The following RBM18 variants were observed in gnomAD, a reference collection of about 807,000 sequenced individuals.
RBM18 encodes probable RNA-binding protein 18.
RBM18 carries 18 observed loss-of-function variants against 26.4 expected under a neutral mutation model. The observed-to-expected ratio is 0.68, with a 90% confidence interval of 0.47 to 1.01. The LOEUF is 1.01. Among genes scored for constraint, RBM18 ranks in the 50% least tolerant of loss-of-function variants. The pLI is 0.00. For missense variants in RBM18, 180 were observed against 219.2 expected, an observed-to-expected ratio of 0.82 and a Z score of 1.13; for synonymous variants, 74 against 81.1, an observed-to-expected ratio of 0.91 and a Z score of 0.47.
At chr9:122,247,748 C>A in intron 3 of RBM18, 144 bp from the exon 4 acceptor site, 17 of 584,310 alleles carry the variant, frequency 2.9e-5, no homozygotes, top group East Asian at 6.3e-5. Context: ...TACAATTTTA[C>A]AAGGCAGAAT....
Position 122,240,067 on chromosome 9 carries a change from G to A in RBM18, c.*1817C>T, listed in dbSNP as rs1232705273. Reference sequence around the variant, plus strand: ...AGAATCAGTACAAATAATAAACAGTGCTTTAAATACAAATAAATAGCTCTG... The same window carrying A: ...AGAATCAGTACAAATAATAAACAGTACTTTAAATACAAATAAATAGCTCTG... On this transcript the variant is annotated 3_prime_UTR_variant, in exon 6 of 6. Transcript: ENST00000417201. The A allele has an allele frequency of 6.6e-6, 1 of 152,154 alleles. No individual in the cohort carries two copies. The highest frequency in any genetic ancestry group is 1.9e-4 in the East Asian group (1 of 5,202). 9.4% of individuals were successfully genotyped at this position (152,154 alleles called of 1,614,324 possible). A position where few individuals can be genotyped will look rare whatever the true frequency, so the allele number is the denominator to read the frequency against.
At chr9:122,260,607 G>A (rs1439921622) in intron 2 of RBM18, among the ~76,000 whole-genome samples, 2 of 152,164 alleles carry the variant, frequency 1.3e-5, no homozygotes, top group East Asian at 1.9e-4. Flanking sequence ...TCGGGACTTG[G>A]TTTCCTCTAT....
intron 3 of RBM18, among the ~76,000 whole-genome samples, chr9:122,248,350 T>C (rs559174086): frequency 6.6e-6 from 1 of 152,318 alleles, no homozygotes; most frequent in East Asian, 1.9e-4. Context: ...TAGACATATA[T>C]GCACTTCCGT....
At chr9:122,258,461 G>C (rs1463343741) in intron 2 of RBM18, among the ~76,000 whole-genome samples, 1 of 152,012 alleles carries the variant, frequency 6.6e-6, no homozygotes, top group African/African-American at 2.4e-5. Context: ...TAGAAATGGG[G>C]TTTCACCACA....
chr9:122,254,343 A>T, intron 2 of RBM18: 1 of 949,372 alleles, frequency 1.1e-6, no homozygotes, highest in Non-Finnish European at 1.3e-6. Context: ...TTCTTGTTTG[A>T]TAATTTCTTA....
chr9:122,250,705 G>A (rs1831586671), intron 3 of RBM18, among the ~76,000 whole-genome samples: 1 of 152,058 alleles, frequency 6.6e-6, no homozygotes, highest in Non-Finnish European at 1.5e-5. Context: ...TTCCATTTGT[G>A]TGTTACAACA....
intron 2 of RBM18, among the ~76,000 whole-genome samples, chr9:122,258,169 A>G (rs1391063325): frequency 2.0e-5 from 3 of 152,246 alleles, no homozygotes; most frequent in Non-Finnish European, 1.5e-5. Flanking sequence ...GATAAGATTT[A>G]CTTTACTAAA....
chr9:122,245,090 G>A (rs1288655146), intron 5 of RBM18, among the ~76,000 whole-genome samples, 166 bp downstream of exon 5: 1 of 152,210 alleles, frequency 6.6e-6, no homozygotes, highest in Non-Finnish European at 1.5e-5. Flanking sequence ...TAGGTGGATG[G>A]AAGGAGAGGA....
At chr9:122,254,806 T>C (rs528422298) in intron 2 of RBM18, among the ~76,000 whole-genome samples, 2 of 152,286 alleles carry the variant, frequency 1.3e-5, no homozygotes, top group East Asian at 3.9e-4. Flanking sequence ...AGAGATGTAA[T>C]CAAACAATTA....
chr9:122,246,518 T>C (rs1831508139), intron 4 of RBM18, among the ~76,000 whole-genome samples: 1 of 152,224 alleles, frequency 6.6e-6, no homozygotes, highest in African/African-American at 2.4e-5. Context: ...GATTTTCCCT[T>C]GAGTAAAAAA....
At chr9:122,251,803 C>A in intron 3 of RBM18, 44 bp downstream of exon 3, 1 of 1,573,866 alleles carries the variant, frequency 6.4e-7, no homozygotes, top group Non-Finnish European at 8.7e-7. Context: ...ATAATTATGA[C>A]AGAGCTTGAT....
intron 2 of RBM18, among the ~76,000 whole-genome samples, chr9:122,253,698 A>C (rs1226594165): frequency 1.3e-5 from 2 of 151,278 alleles, no homozygotes; most frequent in Admixed American, 6.6e-5. Context: ...GTTGCCACAG[A>C]ATGGGGAGTC....
At chr9:122,255,072 A>G (rs1831669488) in intron 2 of RBM18, among the ~76,000 whole-genome samples, 1 of 152,200 alleles carries the variant, frequency 6.6e-6, no homozygotes, top group Non-Finnish European at 1.5e-5. Context: ...AGGCTGAGGG[A>G]ATTTTAATTT....
intron 2 of RBM18, among the ~76,000 whole-genome samples, chr9:122,258,797 C>T (rs1309387436): frequency 6.7e-6 from 1 of 150,012 alleles, no homozygotes; most frequent in East Asian, 2.0e-4. Flanking sequence ...CAAAAAACAA[C>T]AAACTAGCCA....
intron 2 of RBM18, 59 bp downstream of exon 2, chr9:122,261,321 A>G (rs979441978): frequency 2.5e-6 from 3 of 1,201,846 alleles, no homozygotes; most frequent in Middle Eastern, 1.9e-4. Context: ...TCTTCTTGAC[A>G]TCATCACCAC....
intron 2 of RBM18, among the ~76,000 whole-genome samples, chr9:122,255,934 G>A (rs970639747): frequency 3.3e-5 from 5 of 152,100 alleles, no homozygotes; most frequent in African/African-American, 7.2e-5. Flanking sequence ...GGGAGGCTGA[G>A]GTGGGAGGAT....
At chr9:122,259,893 C>T (rs1411586279) in intron 2 of RBM18, among the ~76,000 whole-genome samples, 1 of 151,536 alleles carries the variant, frequency 6.6e-6, no homozygotes, top group African/African-American at 2.4e-5. Flanking sequence ...GGGGTTTCAC[C>T]ATGTTGGCCA....
chr9:122,257,204 T>C (rs1831711507), intron 2 of RBM18, among the ~76,000 whole-genome samples: 1 of 152,030 alleles, frequency 6.6e-6, no homozygotes, highest in Non-Finnish European at 1.5e-5. Context: ...GCCTCCCGAG[T>C]AGCTGGGACT....
intron 2 of RBM18, among the ~76,000 whole-genome samples, chr9:122,252,349 A>C (rs1365515306): frequency 3.3e-5 from 5 of 152,178 alleles, no homozygotes; most frequent in Admixed American, 3.3e-4. Flanking sequence ...AATAACTATA[A>C]CTCCATCAGA....
Sources: allele counts gnomAD v4.1 joint callset (sites outside exome capture counted in the v4.1 genomes callset), GRCh38; gene constraint gnomAD v4.1.1; transcripts MANE v1.5; gene names NCBI Gene and HGNC (gene_info 2026-07-23, HGNC 2026-07-21).